ENC1: variants seen among roughly 807,000 people sequenced by gnomAD.
ENC1 encodes the protein ectodermal-neural cortex 1.
ENC1 carries 19 observed loss-of-function variants against 40.9 expected under a neutral mutation model. That is an observed-to-expected ratio of 0.46 (90% CI 0.32 to 0.68). The LOEUF is 0.68. Among genes scored for constraint, ENC1 ranks in the 30% least tolerant of loss-of-function variants. The pLI, the probability that ENC1 is intolerant of heterozygous loss-of-function variation, is 0.03. For missense variants in ENC1, 479 were observed against 737.5 expected, an observed-to-expected ratio of 0.65 and a Z score of 4.06; for synonymous variants, 285 against 291.1, an observed-to-expected ratio of 0.98 and a Z score of 0.21.
intron 1 of ENC1, among the ~76,000 whole-genome samples, chr5:74,637,987 T>A (rs1015359267): frequency 6.6e-6 from 1 of 152,166 alleles, no homozygotes; most frequent in East Asian, 1.9e-4. Flanking sequence ...CATGCCTTCA[T>A]CCTTTTCTTT....
chr5:74,637,810 T>A (rs1683152188), intron 1 of ENC1: 2 of 152,012 alleles, frequency 1.3e-5, no homozygotes, highest in Admixed American at 1.3e-4. Context: ...CCAGCTGTTG[T>A]TAATTTAGGG....
intron 2 of ENC1, among the ~76,000 whole-genome samples, chr5:74,633,582 G>T (rs1268301945): frequency 2.0e-5 from 3 of 152,216 alleles, no homozygotes; most frequent in Non-Finnish European, 2.9e-5. Flanking sequence ...ATTTTGGAGA[G>T]AATAAACTAG....
chr5:74,634,190 G>A (rs984599591), intron 2 of ENC1, among the ~76,000 whole-genome samples: 2 of 152,102 alleles, frequency 1.3e-5, no homozygotes, highest in Admixed American at 6.5e-5. Flanking sequence ...GAGGCGGGCG[G>A]ATCATGAGGT....
chr5:74,631,294 T>C (rs1747385679), intron 2 of ENC1, among the ~76,000 whole-genome samples: 1 of 152,210 alleles, frequency 6.6e-6, no homozygotes, highest in Non-Finnish European at 1.5e-5. Flanking sequence ...AGTAATTTCC[T>C]TTCTGCCCTT....
intron 1 of ENC1, among the ~76,000 whole-genome samples, chr5:74,638,168 ACT>A (rs1464645829): frequency 1.3e-5 from 2 of 152,144 alleles, no homozygotes; most frequent in African/African-American, 4.8e-5. Flanking sequence ...CGCAGCTGAA[ACT>A]CTGTTTCCTT....
intron 2 of ENC1, among the ~76,000 whole-genome samples, chr5:74,634,184 C>A (rs1269723380): frequency 6.6e-6 from 1 of 152,030 alleles, no homozygotes; most frequent in East Asian, 1.9e-4. Flanking sequence ...GAGGCCGAGG[C>A]GGGCGGATCA....
chr5:74,635,507 G>A lies in ENC1; in HGVS notation c.979C>T (p.Pro327Ser), dbSNP rs1747551840. The stretch of plus-strand genomic sequence containing the variant: ...GCACTAAACTCTTTTCTTGGGCTGG[G>A]AATGTCAGCCTTGGGAATGATTTCT... ...AKEIIPKADI[P>S]SPRKEFSACA... Residue 327 changes from proline to serine, a missense_variant, in exon 2 of 3, where the codon CCC becomes TCC. Coordinates refer to ENST00000302351, the MANE Select transcript of ENC1 (RefSeq NM_003633.4). This position sits in a 1 kb window ranked among gnomAD's most constrained non-coding sequence, Gnocchi z 5.5. 2 of 1,614,040 alleles carry A rather than the reference G, an allele frequency of 1.2e-6. No individual in the cohort carries two copies. Among genetic ancestry groups the A allele is most frequent in the African/African-American group, 2.7e-5 (2 of 74,924 alleles).
At chr5:74,637,125 T>C (rs1328254370) in intron 1 of ENC1, among the ~76,000 whole-genome samples, 1 of 152,254 alleles carries the variant, frequency 6.6e-6, no homozygotes, top group African/African-American at 2.4e-5. Flanking sequence ...TCATTTTATA[T>C]ATACTTTTGA....
At chr5:74,632,316 G>A (rs1049955407) in intron 2 of ENC1, 4 of 152,186 alleles carry the variant, frequency 2.6e-5, no homozygotes, top group Non-Finnish European at 5.9e-5. Flanking sequence ...GGTGAGTCAT[G>A]CATTCATATC....
In ENC1 at chr5:74,635,575, G is replaced by T; in HGVS notation, c.911C>A (p.Thr304Asn). The change falls in exon 2 of 3, where the codon ACT (threonine) becomes AAT (asparagine). Residue 304 changes from threonine (T) to asparagine (N), a missense_variant. Physicochemically the swap from Thr to Asn is moderately conservative, Grantham distance 65. Transcript: ENST00000302351. The surrounding 1 kb of genome is among the most constrained non-coding windows in gnomAD (Gnocchi z 5.5). ...GHALFLLGGQ[T>N]FMCDKLYLVD... ...CAGATACAACTTGTCACACATGAAA[G>T]TCTGTCCTCCCAGAAGGAAGAGGGC... The T allele has an allele frequency of 6.2e-7, 1 of 1,614,222 alleles. No homozygotes were observed. The highest frequency in any genetic ancestry group is 8.5e-7 in the Non-Finnish European group (1 of 1,180,038).
Position 74,628,553 on chromosome 5 carries a change from T to C in ENC1, c.*1472A>G, listed in dbSNP as rs1365010934. ...CCAACTCTACCGGAAAACTTCTCAA[T>C]AGGGGCCACTGCCTACAATTCTTTG... On this transcript the variant is annotated 3_prime_UTR_variant, in exon 3 of 3. Coordinates refer to ENST00000302351, the MANE Select transcript of ENC1 (RefSeq NM_003633.4). The C allele has an allele frequency of 6.6e-6, 1 of 152,560 alleles. No homozygotes were observed. The highest frequency in any genetic ancestry group is 2.4e-5 in the African/African-American group (1 of 41,442). 9.5% of individuals were successfully genotyped at this position (152,560 alleles called of 1,614,324 possible).
In ENC1 at chr5:74,628,656, G is replaced by A. The variant is rs1310132758; in HGVS notation, c.*1369C>T. 6.6e-6 allele frequency: 1 copy of A among 152,182 alleles called. No homozygotes were observed. Among genetic ancestry groups the A allele is most frequent in the Non-Finnish European group, 1.5e-5 (1 of 68,042 alleles). 9.4% of individuals were successfully genotyped at this position (152,182 alleles called of 1,614,324 possible). Reference sequence around the variant, plus strand: ...GATTTGCCTACGGGTGAGCACTGAAGTATACATTGTGCCAATGTAATTATT... The same window carrying A: ...GATTTGCCTACGGGTGAGCACTGAAATATACATTGTGCCAATGTAATTATT... On this transcript the variant is annotated 3_prime_UTR_variant, in exon 3 of 3. Coordinates refer to ENST00000302351, the MANE Select transcript of ENC1 (RefSeq NM_003633.4).
chr5:74,637,051 G>A (rs555910299), intron 1 of ENC1, among the ~76,000 whole-genome samples: 1 of 152,332 alleles, frequency 6.6e-6, no homozygotes, highest in South Asian at 2.1e-4. Context: ...TACAGTAAAT[G>A]GGAAATGTAA....
chr5:74,631,971 A>G (rs754946510), intron 2 of ENC1, among the ~76,000 whole-genome samples: 9 of 152,224 alleles, frequency 5.9e-5, no homozygotes, highest in Non-Finnish European at 1.0e-4. Flanking sequence ...TAACTCCCCT[A>G]TCAATTGACC....
At chr5:74,633,476 A>C (rs1273583961) in intron 2 of ENC1, among the ~76,000 whole-genome samples, 1 of 152,332 alleles carries the variant, frequency 6.6e-6, no homozygotes, top group East Asian at 1.9e-4. Context: ...ATGTACATGC[A>C]ACCTTTTACA....
At chr5:74,633,038 A>G (rs1747447004) in intron 2 of ENC1, among the ~76,000 whole-genome samples, 1 of 152,168 alleles carries the variant, frequency 6.6e-6, no homozygotes, top group Admixed American at 6.5e-5. Flanking sequence ...GAAACATACT[A>G]GGGAAAACAG....
chr5:74,633,673 G>A (rs972177489), intron 2 of ENC1, among the ~76,000 whole-genome samples: 2 of 152,302 alleles, frequency 1.3e-5, no homozygotes, highest in Non-Finnish European at 2.9e-5. Flanking sequence ...TATAAATGAA[G>A]TATCACCTGG....
chr5:74,635,340 G>A lies in ENC1; in HGVS notation c.1146C>T (p.Gly382=). 1 of 1,614,214 alleles carries A rather than the reference G, an allele frequency of 6.2e-7. No homozygotes were observed. Among genetic ancestry groups the A allele is most frequent in the Middle Eastern group, 1.6e-4 (1 of 6,062 alleles). The change falls in exon 2 of 3, where the codon GGC becomes GGT. Residue 382 remains glycine (G), a synonymous_variant. Transcript: ENST00000302351. The surrounding 1 kb of genome is among the most constrained non-coding windows in gnomAD (Gnocchi z 5.5). The stretch of plus-strand genomic sequence containing the variant: ...ACAGGCAGTGCTTCAGTTCAGCAGA[G>A]CCATGGCCAAACCTGGCCACCAGCA... ...APMLVARFGH[G]SAELKHCLYV...
In ENC1 at chr5:74,635,138, C is replaced by T. The variant is rs368405991; in HGVS notation, c.1348G>A (p.Gly450Arg). The change falls in exon 2 of 3, where the codon GGA becomes AGA. Residue 450 changes from glycine (G) to arginine (R), a missense_variant. Physicochemically the swap from Gly to Arg is moderately radical, Grantham distance 125. Transcript: ENST00000302351. This position sits in a 1 kb window ranked among gnomAD's most constrained non-coding sequence, Gnocchi z 5.5. The part of the protein sequence containing the change: ...VSAKLKLFAF[G>R]GTSVSHDKLP... Reference sequence around the variant, plus strand: ...TTGTCATGACTGACACTGGTACCTCCGAAAGCAAATAACTTAAGTTTGGCA... The same window carrying T: ...TTGTCATGACTGACACTGGTACCTCTGAAAGCAAATAACTTAAGTTTGGCA... 1.9e-6 allele frequency: 3 copies of T among 1,614,082 alleles called. No individual in the cohort carries two copies. The highest frequency in any genetic ancestry group is 1.3e-5 in the African/African-American group (1 of 74,930).
Sources: allele counts gnomAD v4.1 joint callset (sites outside exome capture counted in the v4.1 genomes callset), GRCh38; gene constraint gnomAD v4.1.1; non-coding constraint Gnocchi (gnomAD v3.1); transcripts MANE v1.5; gene names NCBI Gene and HGNC (gene_info 2026-07-23, HGNC 2026-07-21).